Variants in CCDC171 observed in about 807,000 individuals in gnomAD.
CCDC171 encodes coiled-coil domain-containing protein 171.
In CCDC171, 177 loss-of-function variants were observed where a neutral mutation model predicts 168.2. That is an observed-to-expected ratio of 1.05 (90% CI 0.93 to 1.19). The LOEUF (loss-of-function observed/expected upper bound fraction) is 1.19. Ranked by LOEUF, CCDC171 falls within the 50% of genes most tolerant of loss-of-function variation. The probability of loss-of-function intolerance (pLI) is 0.00; values close to 1 mark genes in which losing one functional copy is unlikely to be tolerated. For missense variants in CCDC171, 1,991 were observed against 1,539.0 expected, an observed-to-expected ratio of 1.29 and a Z score of -4.91; for synonymous variants, 687 against 540.8, an observed-to-expected ratio of 1.27 and a Z score of -3.75.
intron 25 of CCDC171, among the ~76,000 whole-genome samples, chr9:15,940,748 C>G (rs1421504380): frequency 1.3e-5 from 2 of 151,870 alleles, no homozygotes; most frequent in Non-Finnish European, 2.9e-5. Flanking sequence ...ACTGTGGAGT[C>G]AAGAGCTAAG....
At chr9:15,723,211 G>A (rs1483054320) in intron 12 of CCDC171, among the ~76,000 whole-genome samples, 5 of 152,136 alleles carry the variant, frequency 3.3e-5, no homozygotes, top group Admixed American at 3.3e-4. Context: ...TTCCCAGTAG[G>A]ACTGCATGTG....
the CCDC171 span, among the ~76,000 whole-genome samples, chr9:16,100,962 C>G: frequency 2.6e-5 from 4 of 151,786 alleles, no homozygotes; most frequent in Non-Finnish European, 4.4e-5. Flanking sequence ...TGTGGCTGAC[C>G]TCTGTGGCCT....
At chr9:15,581,289 A>C (rs2041094267) in intron 4 of CCDC171, among the ~76,000 whole-genome samples, 1 of 152,220 alleles carries the variant, frequency 6.6e-6, no homozygotes, top group African/African-American at 2.4e-5. Flanking sequence ...GAGGACACAA[A>C]CAAATGGAAA....
intron 7 of CCDC171, among the ~76,000 whole-genome samples, chr9:15,650,091 C>G (rs907144029): frequency 6.6e-6 from 1 of 152,170 alleles, no homozygotes; most frequent in African/African-American, 2.4e-5. Context: ...GAGTTCATGT[C>G]CTTTGTAGGG....
intron 4 of CCDC171, among the ~76,000 whole-genome samples, chr9:15,583,152 C>T (rs2041266975): frequency 6.6e-6 from 1 of 152,138 alleles, no homozygotes; most frequent in South Asian, 2.1e-4. Flanking sequence ...CGCGGTGGCT[C>T]ACGCCTGTAA....
chr9:15,837,989 A>G (rs2060520547), intron 21 of CCDC171, among the ~76,000 whole-genome samples: 1 of 152,044 alleles, frequency 6.6e-6, no homozygotes, highest in Admixed American at 6.6e-5. Context: ...TTATAAAACA[A>G]TTACTGAGTT....
intron 23 of CCDC171, among the ~76,000 whole-genome samples, chr9:15,863,097 G>A (rs1243875168): frequency 6.6e-6 from 1 of 151,948 alleles, no homozygotes; most frequent in Non-Finnish European, 1.5e-5. Flanking sequence ...GTTGGGTCAT[G>A]TCAGTACTCA....
chr9:15,761,034 A>G (rs892887667), intron 18 of CCDC171, among the ~76,000 whole-genome samples: 13 of 152,200 alleles, frequency 8.5e-5, no homozygotes, highest in African/African-American at 3.1e-4. Flanking sequence ...GAACTTTTTG[A>G]TATGACTGGT....
intron 21 of CCDC171, among the ~76,000 whole-genome samples, chr9:15,826,495 G>A (rs1429385885): frequency 2.0e-5 from 3 of 152,056 alleles, no homozygotes; most frequent in Admixed American, 2.0e-4. Flanking sequence ...ACAGTGCATG[G>A]CTTTTGAGAC....
At chr9:16,006,878 A>G (rs1292843936) in intron 3 of CCDC171, among the ~76,000 whole-genome samples, 1 of 152,074 alleles carries the variant, frequency 6.6e-6, no homozygotes, top group African/African-American at 2.4e-5. Context: ...TGTGAATAGT[A>G]CCGCAATAAA....
At chr9:15,964,088 A>T (rs12683980) in intron 25 of CCDC171, among the ~76,000 whole-genome samples, 6,924 of 152,268 alleles carry the variant, frequency 0.045, 334 homozygotes, top group East Asian at 0.11. Context: ...GGAGCCCAAG[A>T]TAGAAGCAGC....
intron 23 of CCDC171, among the ~76,000 whole-genome samples, chr9:15,854,355 A>T (rs1323086054): frequency 2.0e-5 from 3 of 151,314 alleles, no homozygotes; most frequent in Non-Finnish European, 4.4e-5. Context: ...CGTCTATTTT[A>T]TCTAAGTTAT....
intron 21 of CCDC171, among the ~76,000 whole-genome samples, chr9:15,826,772 G>A (rs1337806919): frequency 2.0e-5 from 3 of 152,178 alleles, no homozygotes; most frequent in Non-Finnish European, 4.4e-5. Context: ...AGGGAACAGA[G>A]ACTAGCAGTC....
intron 21 of CCDC171, among the ~76,000 whole-genome samples, chr9:15,795,379 A>T (rs1218942201): frequency 6.6e-6 from 1 of 152,172 alleles, no homozygotes; most frequent in Non-Finnish European, 1.5e-5. Context: ...TGCATTGGGG[A>T]TTAAGATTTT....
chr9:15,563,877 T>G (rs1361565483), intron 1 of CCDC171, 101 bp from the exon 2 acceptor site: 1 of 510,818 alleles, frequency 2.0e-6, no homozygotes, highest in Non-Finnish European at 3.5e-6. Flanking sequence ...ACAATTTCAC[T>G]TATCAATTAT....
chr9:15,644,816 G>A (rs959602834), intron 7 of CCDC171, among the ~76,000 whole-genome samples: 1 of 152,204 alleles, frequency 6.6e-6, no homozygotes, highest in Non-Finnish European at 1.5e-5. Context: ...ACCTCTGGGG[G>A]CAGGGCATAG....
intron 24 of CCDC171, among the ~76,000 whole-genome samples, chr9:15,895,632 C>G (rs1370077962): frequency 1.3e-5 from 2 of 152,072 alleles, no homozygotes; most frequent in Non-Finnish European, 2.9e-5. Context: ...AGAGAAGGTG[C>G]TGAAGAAATG....
At chr9:15,725,718 G>A (rs1396814937) in intron 14 of CCDC171, among the ~76,000 whole-genome samples, 1 of 151,888 alleles carries the variant, frequency 6.6e-6, no homozygotes, top group Non-Finnish European at 1.5e-5. Context: ...CTAAAGTACT[G>A]GGATTACAGG....
At chr9:15,994,585 TA>T (rs1022373937) in intron 3 of CCDC171, among the ~76,000 whole-genome samples, 17 of 152,156 alleles carry the variant, frequency 1.1e-4, no homozygotes, top group South Asian at 8.3e-4. Flanking sequence ...AAAGTATATA[TA>T]AAAAAAAGTT....
Sources: allele counts gnomAD v4.1 joint callset (sites outside exome capture counted in the v4.1 genomes callset), GRCh38; gene constraint gnomAD v4.1.1; transcripts MANE v1.5; gene names NCBI Gene and HGNC (gene_info 2026-07-23, HGNC 2026-07-21).